The following SLC39A11 variants were observed in gnomAD, a reference collection of about 807,000 sequenced individuals.
SLC39A11 encodes the protein zinc transporter ZIP11.
A neutral mutation model predicts 36.1 loss-of-function variants in SLC39A11; 33 were observed. The ratio of observed to expected loss-of-function variants is 0.91; its 90% CI spans 0.69 to 1.22. The LOEUF is 1.22. SLC39A11 is among the 50% of genes most tolerant of loss of function. The pLI, the probability that SLC39A11 is intolerant of heterozygous loss-of-function variation, is 0.00. For missense variants in SLC39A11, 432 were observed against 430.3 expected (o/e 1.00, Z -0.03); for synonymous variants, 166 against 170.3 (o/e 0.97, Z 0.20).
chr17:72,818,993 T>A (rs944375859), intron 6 of SLC39A11: 27 of 152,068 alleles, frequency 1.8e-4, no homozygotes, highest in African/African-American at 2.2e-4. Flanking sequence ...AGGTTTTTTT[T>A]AAAAAAAAGC....
At chr17:72,711,106 C>T (rs752060042) in intron 7 of SLC39A11, among the ~76,000 whole-genome samples, 3 of 152,318 alleles carry the variant, frequency 2.0e-5, no homozygotes, top group Non-Finnish European at 2.9e-5. Context: ...TTCCTCCTTC[C>T]CCACCTGCCT....
At chr17:73,025,696 C>T (rs561248169) in intron 4 of SLC39A11, among the ~76,000 whole-genome samples, 2 of 152,094 alleles carry the variant, frequency 1.3e-5, no homozygotes, top group African/African-American at 4.8e-5. Flanking sequence ...AAAAGAAGAT[C>T]GAAATGGAGT....
At chr17:72,747,033 C>T (rs538380334) in intron 6 of SLC39A11, among the ~76,000 whole-genome samples, 1 of 152,078 alleles carries the variant, frequency 6.6e-6, no homozygotes, top group Admixed American at 6.6e-5. Context: ...GGTGACAGAG[C>T]GAGACTCTGG....
At chr17:72,839,459 A>G (rs1169653671) in intron 6 of SLC39A11, 1 of 152,290 alleles carries the variant, frequency 6.6e-6, no homozygotes, top group Non-Finnish European at 1.5e-5. Flanking sequence ...GTGATCCTGG[A>G]GGTACTGATT....
At chr17:72,810,491 C>T (rs930456261) in intron 6 of SLC39A11, among the ~76,000 whole-genome samples, 4 of 152,126 alleles carry the variant, frequency 2.6e-5, no homozygotes, top group African/African-American at 9.7e-5. Context: ...GGCTACAGAA[C>T]AGAATGTGCA....
At chr17:72,907,397 C>T (rs1213022078) in intron 5 of SLC39A11, among the ~76,000 whole-genome samples, 1 of 152,078 alleles carries the variant, frequency 6.6e-6, no homozygotes, top group Admixed American at 6.5e-5. Context: ...GGCTGAGGCA[C>T]AAGAATCACT....
intron 6 of SLC39A11, among the ~76,000 whole-genome samples, chr17:72,826,754 A>C (rs1355934359): frequency 6.6e-6 from 1 of 152,232 alleles, no homozygotes; most frequent in Non-Finnish European, 1.5e-5. Context: ...AAGAATGCTC[A>C]CTGCTATTAG....
At position 72,963,169 on chromosome 17, in the gene SLC39A11, CTTTTT is replaced by C. The variant is rs5821936; in HGVS notation, c.307-15299_307-15295del. On this transcript the variant is annotated intron_variant, in intron 4 of 9. Transcript: ENST00000255559. ...TGGGGTATAATTCTTTTTTTCCTTT[CTTTTT>C]TTTTTTTTTTTTTTGAGATGGAGTC... 4.4e-5 allele frequency among the ~76,000 whole-genome samples: 5 copies of C among 114,552 alleles called. No homozygotes were observed. In the South Asian group the frequency reaches 8.2e-4, roughly 19 times the overall value. The allele number at this position is 114,552 out of a possible 152,430, so 75.2% of individuals were successfully genotyped here.
At chr17:72,690,003 G>C (rs573391105) in intron 7 of SLC39A11, among the ~76,000 whole-genome samples, 1 of 152,210 alleles carries the variant, frequency 6.6e-6, no homozygotes, top group African/African-American at 2.4e-5. Context: ...CGCTGTGTGA[G>C]GGGATCATAC....
At chr17:72,679,561 C>T (rs4793478) in intron 7 of SLC39A11, among the ~76,000 whole-genome samples, 73,253 of 151,940 alleles carry the variant, frequency 0.48, 17,858 homozygotes, top group Admixed American at 0.53. Context: ...GCGCCCACCT[C>T]GGGCTTCTTC....
At position 72,675,038 on chromosome 17, in the gene SLC39A11, A is replaced by C. The variant is rs185463336; in HGVS notation, c.672-25770T>G. On this transcript the variant is annotated intron_variant, in intron 7 of 9. Transcript: ENST00000255559. ...AGACAGAAAGAGAGAGAGAAAGTTT[A>C]TCCATCTATCTGAGAGAACAACTGC... Among the ~76,000 whole-genome samples the C allele has an allele frequency of 3.9e-5, 6 of 152,070 alleles. No individual in the cohort carries two copies. The South Asian group carries it at 1.2e-3, about 32-fold the overall frequency.
chr17:73,058,969 GA>G (rs1324714185), intron 3 of SLC39A11, among the ~76,000 whole-genome samples: 4 of 151,652 alleles, frequency 2.6e-5, no homozygotes, highest in Non-Finnish European at 1.5e-5. Flanking sequence ...AAAAAAAAAA[GA>G]ATAAATTAGG....
chr17:73,090,561 TACAAAGAACAGC>T, intron 1 of SLC39A11, among the ~76,000 whole-genome samples: 1 of 152,356 alleles, frequency 6.6e-6, no homozygotes, highest in East Asian at 1.9e-4. Context: ...AAACAGCATT[TACAAAGAACAGC>T]ACAAAGGGAT....
At chr17:72,762,681 C>T (rs1015849918) in intron 6 of SLC39A11, among the ~76,000 whole-genome samples, 4 of 152,190 alleles carry the variant, frequency 2.6e-5, no homozygotes, top group African/African-American at 9.6e-5. Context: ...AGAACCCTCT[C>T]TTGGGGTCTG....
intron 4 of SLC39A11, among the ~76,000 whole-genome samples, chr17:72,964,096 C>T (rs78723313): frequency 1.3e-5 from 2 of 152,230 alleles, no homozygotes; most frequent in East Asian, 1.9e-4. Flanking sequence ...GAGTTTTCCT[C>T]GTACGATGCA....
At chr17:72,896,192 CTTTTTTTTTTTTT>C (rs771180987) in intron 5 of SLC39A11, among the ~76,000 whole-genome samples, 1 of 74,554 alleles carries the variant, frequency 1.3e-5, no homozygotes, top group Non-Finnish European at 2.4e-5. Flanking sequence ...CACATTAATC[CTTTTTTTTTTTTT>C]TTTTTTTTTT....
intron 6 of SLC39A11, among the ~76,000 whole-genome samples, chr17:72,780,670 T>C (rs550554459): frequency 1.1e-4 from 17 of 152,230 alleles, no homozygotes; most frequent in Non-Finnish European, 1.3e-4. Flanking sequence ...TAGGTCAGCA[T>C]TCATTTTCTT....
intron 5 of SLC39A11, 92 bp from the exon 6 acceptor site, chr17:72,849,896 C>G: frequency 7.9e-7 from 1 of 1,264,640 alleles, no homozygotes; most frequent in Non-Finnish European, 1.1e-6. Flanking sequence ...CAGGAAGAAG[C>G]TTCTTTTTCT....
At chr17:72,654,428 T>A (rs929977263) in intron 7 of SLC39A11, among the ~76,000 whole-genome samples, 2 of 152,196 alleles carry the variant, frequency 1.3e-5, no homozygotes, top group African/African-American at 4.8e-5. Flanking sequence ...CTGCTACCAA[T>A]TTCATGTGCA....
Sources: gnomAD v4.1 joint callset for allele counts (sites outside exome capture counted in the v4.1 genomes callset) on GRCh38, gnomAD v4.1.1 for gene constraint, MANE v1.5 for transcripts, NCBI Gene and HGNC (gene_info 2026-07-23, HGNC 2026-07-21) for gene names.